The following NTRK2 variants were observed in gnomAD, a reference collection of about 807,000 sequenced individuals.
NTRK2 encodes the protein BDNF/NT-3 growth factors receptor.
In NTRK2, 13 loss-of-function variants were observed where a neutral mutation model predicts 94.5. The observed-to-expected ratio is 0.14, with a 90% CI of 0.09 to 0.22. The LOEUF (loss-of-function observed/expected upper bound fraction) is 0.22, where lower values mean the gene tolerates loss of function less well. NTRK2 is among the 10% of genes least tolerant of loss of function. The pLI, the probability that NTRK2 is intolerant of heterozygous loss-of-function variation, is 1.00. For synonymous variants in NTRK2, 372 were observed against 407.4 expected, an observed-to-expected ratio of 0.91 and a Z score of 1.05; for missense variants, 639 against 1,071.2, an observed-to-expected ratio of 0.60 and a Z score of 5.63.
rs1330837942 is a variant in NTRK2 at position 84,864,599 on chromosome 9, C to T, written c.1445-2644C>T. Among the ~76,000 whole-genome samples, 4 of 152,164 alleles carry T rather than the reference C, an allele frequency of 2.6e-5. No individual in the cohort carries two copies. In the East Asian group the frequency reaches 7.7e-4, roughly 29 times the overall value. On this transcript the variant is annotated intron_variant, in intron 13 of 18. Transcript: ENST00000277120. Reference sequence around the variant, plus strand: ...ACATGCAGCCTTGGCTGCAGTCCTTCAGGGAGCGCAGGCAGTAGCATGTTT... The same window carrying T: ...ACATGCAGCCTTGGCTGCAGTCCTTTAGGGAGCGCAGGCAGTAGCATGTTT...
At chr9:84,977,370 C>A (rs1264910111) in intron 17 of NTRK2, among the ~76,000 whole-genome samples, 5 of 152,110 alleles carry the variant, frequency 3.3e-5, no homozygotes, top group Admixed American at 3.3e-4. Context: ...ATAGCAAAAT[C>A]ACCAATAACA....
At chr9:84,676,593 C>T (rs191593574) in intron 2 of NTRK2, among the ~76,000 whole-genome samples, 7 of 152,282 alleles carry the variant, frequency 4.6e-5, no homozygotes, top group Admixed American at 4.6e-4. Flanking sequence ...AAGAAAGTTG[C>T]CGAAGGCCGA....
chr9:84,716,257 C>T (rs1467306229), intron 6 of NTRK2, among the ~76,000 whole-genome samples: 1 of 152,120 alleles, frequency 6.6e-6, no homozygotes, highest in African/African-American at 2.4e-5. Flanking sequence ...TTCCAACCTT[C>T]CAACTTTTAA....
At chr9:84,977,873 CTT>C (rs1409868570) in intron 17 of NTRK2, among the ~76,000 whole-genome samples, 1 of 152,162 alleles carries the variant, frequency 6.6e-6, no homozygotes, top group East Asian at 1.9e-4. Context: ...AAATCTCAAA[CTT>C]TTGCTTATTA....
At chr9:84,875,724 G>T in intron 14 of NTRK2, 1 of 1,053,710 alleles carries the variant, frequency 9.5e-7, no homozygotes, top group Non-Finnish European at 1.1e-6. Context: ...AAACTTGATG[G>T]AGTTTGCTGT....
At chr9:84,840,761 A>G (rs1412362356) in intron 12 of NTRK2, among the ~76,000 whole-genome samples, 1 of 151,528 alleles carries the variant, frequency 6.6e-6, no homozygotes, top group East Asian at 2.0e-4. Context: ...TCTTTCTCCA[A>G]TTCCTCTCTT....
intron 17 of NTRK2, among the ~76,000 whole-genome samples, chr9:85,019,971 A>G (rs1832637396): frequency 6.6e-6 from 1 of 152,300 alleles, no homozygotes; most frequent in East Asian, 1.9e-4. Flanking sequence ...CCCTGCTCCT[A>G]TCTGGTTTTG....
At chr9:84,941,600 AT>A (rs1440572932) in intron 15 of NTRK2, among the ~76,000 whole-genome samples, 1 of 152,182 alleles carries the variant, frequency 6.6e-6, no homozygotes, top group African/African-American at 2.4e-5. Flanking sequence ...TGATGAACGA[AT>A]TCCCAGTCAA....
intron 17 of NTRK2, among the ~76,000 whole-genome samples, chr9:85,009,223 AATGCAAT>A (rs2133489332): frequency 6.6e-6 from 1 of 152,366 alleles, no homozygotes; most frequent in South Asian, 2.1e-4. Context: ...TAGGAAGTCT[AATGCAAT>A]CATTGTATCC....
intron 2 of NTRK2, among the ~76,000 whole-genome samples, chr9:84,686,129 C>G (rs951888896): frequency 1.3e-5 from 2 of 152,142 alleles, no homozygotes; most frequent in African/African-American, 2.4e-5. Context: ...CATAATTTTT[C>G]TCAAGCTATC....
chr9:84,852,992 T>C (rs2074856374), intron 12 of NTRK2, among the ~76,000 whole-genome samples: 1 of 152,230 alleles, frequency 6.6e-6, no homozygotes, highest in Non-Finnish European at 1.5e-5. Context: ...TACTGTTTTT[T>C]TTTTTTAATT....
At chr9:84,730,185 T>A (rs1326522855) in intron 9 of NTRK2, among the ~76,000 whole-genome samples, 1 of 152,224 alleles carries the variant, frequency 6.6e-6, no homozygotes, top group Non-Finnish European at 1.5e-5. Context: ...AAGCCCGTTT[T>A]TTTGTTCTCT....
intron 14 of NTRK2, among the ~76,000 whole-genome samples, chr9:84,885,215 A>T (rs934848343): frequency 5.3e-5 from 8 of 152,248 alleles, no homozygotes; most frequent in Admixed American, 3.9e-4. Flanking sequence ...GAAGTTATTT[A>T]GCATGGCTTC....
intron 2 of NTRK2, among the ~76,000 whole-genome samples, chr9:84,687,410 C>G (rs540410200): frequency 6.6e-6 from 1 of 152,064 alleles, no homozygotes. Flanking sequence ...ATCAGGTAAC[C>G]CTGGAGTGAT....
chr9:84,831,630 GC>G (rs2073553508), intron 12 of NTRK2, among the ~76,000 whole-genome samples: 1 of 152,180 alleles, frequency 6.6e-6, no homozygotes, highest in African/African-American at 2.4e-5. Context: ...AGAAAGTGAG[GC>G]CCAAGGAGGC....
chr9:84,870,972 C>T (rs1016055296), intron 14 of NTRK2, among the ~76,000 whole-genome samples: 2 of 152,172 alleles, frequency 1.3e-5, no homozygotes, highest in Non-Finnish European at 2.9e-5. Flanking sequence ...TCTTACTCAT[C>T]TCACTGAATT....
chr9:84,721,806 A>G (rs1311471308), intron 6 of NTRK2, among the ~76,000 whole-genome samples: 3 of 152,326 alleles, frequency 2.0e-5, no homozygotes, highest in South Asian at 2.1e-4. Flanking sequence ...AGTAGCTTGA[A>G]TCTTTTTCGT....
intron 12 of NTRK2, chr9:84,812,199 T>C (rs1405476175): frequency 9.5e-7 from 1 of 1,056,952 alleles, no homozygotes; most frequent in Admixed American, 5.4e-5. Context: ...CCAGGATCCA[T>C]TTAGGTACCA....
intron 5 of NTRK2, among the ~76,000 whole-genome samples, chr9:84,708,373 G>C (rs1053328150): frequency 1.3e-5 from 2 of 152,228 alleles, no homozygotes; most frequent in Non-Finnish European, 2.9e-5. Flanking sequence ...CATTGGAGGA[G>C]AGGTAGTTGT....
Sources: allele counts gnomAD v4.1 joint callset (sites outside exome capture counted in the v4.1 genomes callset), GRCh38; gene constraint gnomAD v4.1.1; transcripts MANE v1.5; gene names NCBI Gene and HGNC (gene_info 2026-07-23, HGNC 2026-07-21).